Variants in GTF2I observed in about 807,000 individuals in gnomAD.
GTF2I encodes general transcription factor II-I.
In GTF2I, 12 loss-of-function variants were observed where a neutral mutation model predicts 67.6. The observed-to-expected ratio is 0.18, with a 90% CI of 0.11 to 0.29. GTF2I has a LOEUF of 0.29. Ranked by LOEUF, GTF2I falls within the 10% of genes least tolerant of loss-of-function variation. The probability of loss-of-function intolerance (pLI) is 1.00; values close to 1 mark genes in which losing one functional copy is unlikely to be tolerated. For missense variants in GTF2I, 271 were observed against 580.1 expected (o/e 0.47, Z 5.47); for synonymous variants, 149 against 197.0 (o/e 0.76, Z 2.04).
At chr7:74,730,718 T>TTC (rs1257907706) in intron 14 of GTF2I, among the ~76,000 whole-genome samples, 1 of 125,534 alleles carries the variant, frequency 8.0e-6, no homozygotes, top group Non-Finnish European at 1.7e-5. Context: ...TTTATCTTTT[T>TTC]TTTTTTTTTT....
At chr7:74,726,860 G>C (rs1793858068) in intron 12 of GTF2I, 2 of 150,814 alleles carry the variant, frequency 1.3e-5, no homozygotes, top group African/African-American at 4.9e-5. Flanking sequence ...TAGATAGATA[G>C]ATAGATAGAT....
chr7:74,725,729 A>G (rs1375053120), intron 12 of GTF2I, among the ~76,000 whole-genome samples: 1 of 152,028 alleles, frequency 6.6e-6, no homozygotes, highest in African/African-American at 2.4e-5. Flanking sequence ...CATTTAACAG[A>G]TTGAACTTTA....
At chr7:74,696,111 C>A (rs1440816013) in intron 3 of GTF2I, among the ~76,000 whole-genome samples, 1 of 151,806 alleles carries the variant, frequency 6.6e-6, no homozygotes, top group East Asian at 1.9e-4. Flanking sequence ...TCTGTCTCAG[C>A]CTCCCGAGTA....
At chr7:74,726,905 T>C (rs1167502205) in intron 12 of GTF2I, 1 of 118,634 alleles carries the variant, frequency 8.4e-6, no homozygotes, top group Non-Finnish European at 1.8e-5. Flanking sequence ...TGCCAATAGA[T>C]AGATAGATAG....
chr7:74,680,901 A>G (rs1787217250), intron 1 of GTF2I, among the ~76,000 whole-genome samples: 1 of 152,234 alleles, frequency 6.6e-6, no homozygotes, highest in African/African-American at 2.4e-5. Flanking sequence ...GGATAAATCT[A>G]ATACCTGAAA....
chr7:74,750,596 T>G (rs1795759059), intron 26 of GTF2I, among the ~76,000 whole-genome samples: 3 of 27,432 alleles, frequency 1.1e-4, no homozygotes, highest in South Asian at 2.6e-3. Flanking sequence ...CTGGCCACTT[T>G]TTTTTTTTTT....
chr7:74,688,223 C>T (rs1246188187), intron 1 of GTF2I, among the ~76,000 whole-genome samples: 6 of 152,030 alleles, frequency 3.9e-5, no homozygotes, highest in Non-Finnish European at 7.4e-5. Flanking sequence ...GGATTACAGG[C>T]GCCCACCACC....
chr7:74,668,235 G>A (rs1805157239), intron 1 of GTF2I, among the ~76,000 whole-genome samples: 1 of 141,080 alleles, frequency 7.1e-6, no homozygotes, highest in Non-Finnish European at 1.5e-5. Flanking sequence ...CTGGAATGTA[G>A]GATATTATCA....
chr7:74,689,459 A>G (rs1440023513), intron 2 of GTF2I, among the ~76,000 whole-genome samples: 1 of 143,586 alleles, frequency 7.0e-6, no homozygotes, highest in Non-Finnish European at 1.5e-5. Flanking sequence ...GGTTCAAGCG[A>G]TTCTCCTGCC....
chr7:74,698,025 C>G (rs1052184344), intron 3 of GTF2I, among the ~76,000 whole-genome samples: 1 of 151,892 alleles, frequency 6.6e-6, no homozygotes, highest in Non-Finnish European at 1.5e-5. Context: ...GCGCAATTTC[C>G]GCTCGCTGCA....
At chr7:74,719,433 C>A (rs1246378403) in intron 12 of GTF2I, among the ~76,000 whole-genome samples, 1 of 152,152 alleles carries the variant, frequency 6.6e-6, no homozygotes, top group Non-Finnish European at 1.5e-5. Context: ...TGTTTTGAAG[C>A]AATAGCTACA....
At position 74,657,974 on chromosome 7, in the gene GTF2I, G is replaced by A. The variant is rs1433893962; in HGVS notation, c.-100G>A. On this transcript the variant is annotated 5_prime_UTR_variant, in exon 1 of 35. Coordinates refer to ENST00000573035, the MANE Select transcript of GTF2I (RefSeq NM_032999.4). The stretch of plus-strand genomic sequence containing the variant: ...CCGCTCGCCAGCTCCCCTCAGCCGA[G>A]GCTGCTCCGCGGCGGCCGCAGCCCG... 6.6e-6 allele frequency: 1 copy of A among 151,896 alleles called. No individual in the cohort carries two copies. Among genetic ancestry groups the A allele is most frequent in the South Asian group, 2.1e-4 (1 of 4,832 alleles). The allele number at this position is 151,896 out of a possible 1,614,324, so 9.4% of individuals were successfully genotyped here. A position where few individuals can be genotyped will look rare whatever the true frequency, so the allele number is the denominator to read the frequency against.
chr7:74,697,768 CTTTTATT>C (rs1789091799), intron 3 of GTF2I, among the ~76,000 whole-genome samples: 1 of 151,866 alleles, frequency 6.6e-6, no homozygotes, highest in Non-Finnish European at 1.5e-5. Flanking sequence ...ATCTCCCTGC[CTTTTATT>C]TTTTATTTTT....
intron 1 of GTF2I, among the ~76,000 whole-genome samples, chr7:74,660,604 C>T (rs1303045831): frequency 6.7e-6 from 1 of 148,716 alleles, no homozygotes. Context: ...TTTTCCTTTT[C>T]CTTTTTCTTT....
intron 11 of GTF2I, among the ~76,000 whole-genome samples, chr7:74,717,512 T>G (rs1792406553): frequency 6.6e-6 from 1 of 152,152 alleles, no homozygotes. Flanking sequence ...GAATCCTGAG[T>G]TCAACTTATC....
At chr7:74,661,640 A>G (rs1005614619) in intron 1 of GTF2I, among the ~76,000 whole-genome samples, 1 of 151,968 alleles carries the variant, frequency 6.6e-6, no homozygotes, top group Non-Finnish European at 1.5e-5. Context: ...AGATCTCACC[A>G]CTGCACTCCA....
intron 1 of GTF2I, among the ~76,000 whole-genome samples, chr7:74,671,112 A>T: frequency 8.9e-6 from 1 of 112,466 alleles, no homozygotes; most frequent in Admixed American, 1.2e-4. Context: ...TTTGAGACAG[A>T]GTCTCACTCT....
intron 1 of GTF2I, among the ~76,000 whole-genome samples, chr7:74,681,910 C>CAA (rs782315468): frequency 2.8e-4 from 33 of 119,446 alleles, no homozygotes; most frequent in Non-Finnish European, 4.0e-4. Flanking sequence ...GACTCCGTCT[C>CAA]AAAAAAAAAA....
intron 1 of GTF2I, among the ~76,000 whole-genome samples, chr7:74,661,636 C>A (rs1418001987): frequency 6.6e-6 from 1 of 151,846 alleles, no homozygotes; most frequent in African/African-American, 2.4e-5. Flanking sequence ...GATGAGATCT[C>A]ACCACTGCAC....
Sources: allele counts gnomAD v4.1 joint callset (sites outside exome capture counted in the v4.1 genomes callset), GRCh38; gene constraint gnomAD v4.1.1; transcripts MANE v1.5; gene names NCBI Gene and HGNC (gene_info 2026-07-23, HGNC 2026-07-21).